The following NAV2 variants were observed in gnomAD, a reference collection of about 807,000 sequenced individuals.
The protein encoded by NAV2 is neuron navigator 2.
Under a neutral mutation model 223.2 loss-of-function variants are expected in NAV2, and 54 were observed. That is an observed-to-expected ratio of 0.24 (90% CI 0.19 to 0.30). The LOEUF is 0.30. Ranked by LOEUF, NAV2 falls within the 10% of genes least tolerant of loss-of-function variation. The pLI, the probability that NAV2 is intolerant of heterozygous loss-of-function variation, is 1.00. For missense variants in NAV2, 2,806 were observed against 3,147.5 expected, an observed-to-expected ratio of 0.89 and a Z score of 2.60; for synonymous variants, 1,279 against 1,239.3, an observed-to-expected ratio of 1.03 and a Z score of -0.67.
chr11:19,352,183 G>A (rs1853367348), intron 1 of NAV2, among the ~76,000 whole-genome samples: 1 of 152,188 alleles, frequency 6.6e-6, no homozygotes, highest in Non-Finnish European at 1.5e-5. Context: ...AGTGGGATTT[G>A]TTTTGTGGTG....
Position 20,103,417 on chromosome 11 carries a change from C to T in NAV2, c.6572+8C>T, listed in dbSNP as rs1387429599. On this transcript the variant is annotated splice_region_variant and intron_variant, in intron 33 of 37. Coordinates refer to ENST00000349880, the MANE Select transcript of NAV2 (RefSeq NM_145117.5). ...CTGCAAGTACCACAAATGGTAAAGG[C>T]TGGTTCTGGACCTCATAGCCCCCCG... The T allele has an allele frequency of 1.2e-6, 2 of 1,611,926 alleles. No homozygotes were observed. The highest frequency in any genetic ancestry group is 1.7e-6 in the Non-Finnish European group (2 of 1,178,848).
chr11:20,086,701 T>G (rs1016704795), intron 26 of NAV2, among the ~76,000 whole-genome samples: 4 of 152,134 alleles, frequency 2.6e-5, no homozygotes, highest in Admixed American at 2.6e-4. Flanking sequence ...CTGGATGTAT[T>G]TAGGAGATAT....
intron 1 of NAV2, among the ~76,000 whole-genome samples, chr11:19,746,730 T>C (rs1312077392): frequency 2.6e-5 from 4 of 152,200 alleles, no homozygotes; most frequent in African/African-American, 9.6e-5. Context: ...ATTCACCTCG[T>C]ATTGCCCCAT....
intron 6 of NAV2, among the ~76,000 whole-genome samples, chr11:19,916,631 T>A (rs1194987762): frequency 1.3e-5 from 2 of 152,228 alleles, no homozygotes; most frequent in Non-Finnish European, 2.9e-5. Context: ...AAGAGATGAA[T>A]GAAACAGAGC....
intron 1 of NAV2, among the ~76,000 whole-genome samples, chr11:19,628,271 A>G (rs2047231141): frequency 6.6e-6 from 1 of 152,146 alleles, no homozygotes; most frequent in Non-Finnish European, 1.5e-5. Flanking sequence ...GGAAAGGGAG[A>G]ATGTTCCTGG....
At chr11:19,803,741 C>T (rs1240122405) in intron 1 of NAV2, among the ~76,000 whole-genome samples, 7 of 152,254 alleles carry the variant, frequency 4.6e-5, no homozygotes, top group Admixed American at 2.6e-4. Context: ...CCTCATTCTT[C>T]TCCCTGCTTT....
rs1490255163 is a variant in NAV2, at chr11:20,045,519, A to G, written c.3751A>G (p.Lys1251Glu). 1.9e-6 allele frequency: 3 copies of G among 1,614,004 alleles called. No homozygotes were observed. Among genetic ancestry groups the G allele is most frequent in the Non-Finnish European group, 2.5e-6 (3 of 1,180,004 alleles). ...SLPGLVNQTD[K>E]EKGISSDNES... ...ACCAGGTCTGGTCAACCAAACAGAC[A>G]AGGAGAAAGGCATCTCATCAGACAA... is the stretch of plus-strand genomic sequence containing the variant. Residue 1251 changes from lysine to glutamate, a missense_variant, in exon 14 of 38, where the codon AAG becomes GAG. Physicochemically the swap from Lys to Glu is moderately conservative, Grantham distance 56 (BLOSUM62 1). Around this residue, in one of 4 missense-constraint regions of NAV2, gnomAD observed 742 missense variants for 777.9 expected, o/e 0.95. Transcript: ENST00000349880.
intron 2 of NAV2, among the ~76,000 whole-genome samples, chr11:19,837,594 T>C (rs1048047901): frequency 3.3e-5 from 5 of 152,120 alleles, no homozygotes; most frequent in African/African-American, 1.2e-4. Flanking sequence ...ACATCAGTTA[T>C]GCTATATGCC....
chr11:20,094,011 A>C (rs967813262), intron 29 of NAV2, among the ~76,000 whole-genome samples: 1 of 152,164 alleles, frequency 6.6e-6, no homozygotes, highest in Non-Finnish European at 1.5e-5. Flanking sequence ...TAGGGAACCC[A>C]CAGAACAAAG....
intron 1 of NAV2, among the ~76,000 whole-genome samples, chr11:19,647,266 A>G (rs2047843366): frequency 6.6e-6 from 1 of 152,142 alleles, no homozygotes; most frequent in African/African-American, 2.4e-5. Context: ...AGTCATAAAG[A>G]TGCTGGCTCT....
At chr11:19,510,645 G>A (rs750355800) in intron 1 of NAV2, among the ~76,000 whole-genome samples, 1 of 152,230 alleles carries the variant, frequency 6.6e-6, no homozygotes, top group Non-Finnish European at 1.5e-5. Flanking sequence ...GCCCCAGCCC[G>A]AAGTCCGTTG....
chr11:19,489,822 G>A (rs2042565042), intron 1 of NAV2, among the ~76,000 whole-genome samples: 1 of 152,148 alleles, frequency 6.6e-6, no homozygotes, highest in South Asian at 2.1e-4. Context: ...TCCATGAGAG[G>A]AACACTGTCA....
At chr11:19,504,238 C>T (rs1297579046) in intron 1 of NAV2, 1 of 152,094 alleles carries the variant, frequency 6.6e-6, no homozygotes, top group African/African-American at 2.4e-5. Context: ...AATATCCACT[C>T]GGGAAGACAG....
intron 1 of NAV2, among the ~76,000 whole-genome samples, chr11:19,654,247 C>A (rs2135678763): frequency 6.6e-6 from 1 of 152,264 alleles, no homozygotes; most frequent in Non-Finnish European, 1.5e-5. Context: ...AAAGAGGATA[C>A]AAACAAATGG....
intron 1 of NAV2, among the ~76,000 whole-genome samples, chr11:19,431,911 G>A (rs937944456): frequency 6.6e-5 from 10 of 152,162 alleles, no homozygotes; most frequent in Admixed American, 6.6e-4. Context: ...CGAAAGTATT[G>A]ATAAGACTGG....
intron 19 of NAV2, chr11:20,056,593 C>G (rs761773152): frequency 3.7e-6 from 6 of 1,613,972 alleles, no homozygotes; most frequent in Non-Finnish European, 5.1e-6. Flanking sequence ...CTTCATTTCT[C>G]TCTTCCTTTG....
upstream of NAV2, among the ~76,000 whole-genome samples, chr11:19,345,943 G>A (rs954661660): frequency 3.3e-5 from 5 of 152,170 alleles, no homozygotes; most frequent in African/African-American, 1.2e-4. This position sits in a 1 kb window ranked among gnomAD's most constrained non-coding sequence, Gnocchi z 5.2. Context: ...GTTGGCATGG[G>A]TGTCTGTGAA....
At chr11:19,843,231 C>T (rs1426928112) in intron 3 of NAV2, among the ~76,000 whole-genome samples, 6 of 152,210 alleles carry the variant, frequency 3.9e-5, no homozygotes, top group Non-Finnish European at 8.8e-5. Flanking sequence ...TGCTGTGGCT[C>T]GTTCTGCTTC....
intron 5 of NAV2, among the ~76,000 whole-genome samples, chr11:19,889,362 A>G (rs189659514): frequency 1.3e-5 from 2 of 152,336 alleles, no homozygotes; most frequent in East Asian, 3.9e-4. Flanking sequence ...GTTAAACTAC[A>G]GAGTCAACAT....
Sources: gnomAD v4.1 joint callset for allele counts (sites outside exome capture counted in the v4.1 genomes callset) on GRCh38, gnomAD v4.1.1 for gene constraint, gnomAD v4.1.1 regional missense constraint, Gnocchi (gnomAD v3.1) non-coding constraint, MANE v1.5 for transcripts, NCBI Gene and HGNC (gene_info 2026-07-23, HGNC 2026-07-21) for gene names.